The following AHCYL2 variants were observed in gnomAD, a reference collection of about 807,000 sequenced individuals.
The protein encoded by AHCYL2 is S-adenosylhomocysteine hydrolase-like protein 2.
AHCYL2 carries 28 observed loss-of-function variants against 81.4 expected under a neutral mutation model. That is an observed-to-expected ratio of 0.34 (90% CI 0.25 to 0.47). The LOEUF is 0.47. Among genes scored for constraint, AHCYL2 ranks in the 20% least tolerant of loss-of-function variants. The pLI is 1.00. For synonymous variants in AHCYL2, 272 were observed against 290.2 expected (o/e 0.94, Z 0.64); for missense variants, 551 against 785.1 (o/e 0.70, Z 3.56).
At chr7:129,375,101 T>G (rs1292808190) in intron 1 of AHCYL2, among the ~76,000 whole-genome samples, 1 of 152,156 alleles carries the variant, frequency 6.6e-6, no homozygotes, top group Non-Finnish European at 1.5e-5. Context: ...TGAACACACA[T>G]TTTGTGAAAA....
chr7:129,266,798 A>G (rs1377268473), intron 1 of AHCYL2, among the ~76,000 whole-genome samples: 2 of 152,220 alleles, frequency 1.3e-5, no homozygotes, highest in African/African-American at 4.8e-5. Context: ...TCTATCACTT[A>G]TTCAAATTAG....
chr7:129,350,158 G>T (rs1793505838), intron 1 of AHCYL2, among the ~76,000 whole-genome samples: 1 of 152,052 alleles, frequency 6.6e-6, no homozygotes, highest in Admixed American at 6.6e-5. Flanking sequence ...TGAAGATAAG[G>T]GCATTTCAGA....
At chr7:129,338,220 C>T (rs1793026450) in intron 1 of AHCYL2, among the ~76,000 whole-genome samples, 1 of 151,732 alleles carries the variant, frequency 6.6e-6, no homozygotes, top group Non-Finnish European at 1.5e-5. Context: ...TGGAGTTCAG[C>T]TTACTATAAC....
intron 1 of AHCYL2, among the ~76,000 whole-genome samples, chr7:129,284,925 T>C (rs1796575984): frequency 1.3e-5 from 2 of 152,252 alleles, no homozygotes; most frequent in South Asian, 2.1e-4. Flanking sequence ...TATAGAATTA[T>C]AGCCCTAGGA....
chr7:129,238,405 A>G (rs1489237675), intron 1 of AHCYL2, among the ~76,000 whole-genome samples: 3 of 152,214 alleles, frequency 2.0e-5, no homozygotes, highest in Admixed American at 2.0e-4. Flanking sequence ...TATTTGCCTA[A>G]TAATCTCCCT....
At chr7:129,375,292 A>G (rs1794625743) in intron 1 of AHCYL2, among the ~76,000 whole-genome samples, 1 of 152,044 alleles carries the variant, frequency 6.6e-6, no homozygotes, top group South Asian at 2.1e-4. Flanking sequence ...AAGGACACAG[A>G]GTGTAGGGTA....
chr7:129,347,649 T>A (rs1283914297), intron 1 of AHCYL2, among the ~76,000 whole-genome samples: 1 of 152,168 alleles, frequency 6.6e-6, no homozygotes, highest in Non-Finnish European at 1.5e-5. Context: ...TTTTTGGTTT[T>A]TTTCTTTACA....
chr7:129,297,323 AG>A (rs946870618), intron 1 of AHCYL2, among the ~76,000 whole-genome samples: 2 of 152,290 alleles, frequency 1.3e-5, no homozygotes, highest in Non-Finnish European at 2.9e-5. Flanking sequence ...ACTTCATCTT[AG>A]GACCGGGCTG....
At position 129,373,461 on chromosome 7, in the gene AHCYL2, G is replaced by A. The variant is rs184424380; in HGVS notation, c.364-6177G>A. On this transcript the variant is annotated intron_variant, in intron 1 of 16. Transcript: ENST00000325006. ...AAAAAAGCAAAAAAACTAGCCAGGCGTGGTGGCATGCGCCTGTAGTCCCAG... is the reference window on the plus strand; with the variant it reads ...AAAAAAGCAAAAAAACTAGCCAGGCATGGTGGCATGCGCCTGTAGTCCCAG... 8.5e-3 allele frequency among the ~76,000 whole-genome samples: 1,291 copies of A among 152,026 alleles called. 13 individuals carry two copies. The highest frequency in any genetic ancestry group is 0.011 in the Non-Finnish European group (744 of 67,964).
chr7:129,260,294 T>C (rs1308289772), intron 1 of AHCYL2, among the ~76,000 whole-genome samples: 1 of 152,198 alleles, frequency 6.6e-6, no homozygotes, highest in Non-Finnish European at 1.5e-5. Context: ...TGGATTGATC[T>C]TGGACTTCAA....
intron 1 of AHCYL2, among the ~76,000 whole-genome samples, chr7:129,303,311 T>G (rs1254929326): frequency 2.0e-5 from 3 of 152,224 alleles, no homozygotes; most frequent in Non-Finnish European, 2.9e-5. Context: ...CTGAGAGATT[T>G]TTAACTTTGA....
At chr7:129,251,951 C>T (rs1482226113) in intron 1 of AHCYL2, among the ~76,000 whole-genome samples, 2 of 151,994 alleles carry the variant, frequency 1.3e-5, no homozygotes, top group African/African-American at 4.8e-5. Context: ...TGTTTTTAAT[C>T]TCTTCTGTTT....
chr7:129,322,684 T>TG (rs1171846463), intron 1 of AHCYL2, among the ~76,000 whole-genome samples: 3 of 152,170 alleles, frequency 2.0e-5, no homozygotes, highest in Non-Finnish European at 2.9e-5. Context: ...CTCTGCCTCC[T>TG]GGGCTCAAGC....
intron 1 of AHCYL2, among the ~76,000 whole-genome samples, chr7:129,262,529 G>A (rs1055001513): frequency 6.6e-6 from 1 of 152,190 alleles, no homozygotes; most frequent in African/African-American, 2.4e-5. Flanking sequence ...CGTGGTTGGT[G>A]GTCTCCTATT....
At chr7:129,318,570 T>C (rs750411324) in intron 1 of AHCYL2, among the ~76,000 whole-genome samples, 6 of 152,154 alleles carry the variant, frequency 3.9e-5, no homozygotes, top group African/African-American at 1.4e-4. Context: ...TAGTAAATGG[T>C]GTAGAGAAAT....
At chr7:129,389,267 T>A (rs751140597) in intron 3 of AHCYL2, 68 bp downstream of exon 3, 138 of 1,585,700 alleles carry the variant, frequency 8.7e-5, no homozygotes, top group Non-Finnish European at 1.1e-4. Context: ...AATCCCTTTT[T>A]ATGTCTGGGG....
intron 1 of AHCYL2, among the ~76,000 whole-genome samples, chr7:129,328,735 C>T (rs1360501233): frequency 6.6e-6 from 1 of 152,152 alleles, no homozygotes; most frequent in African/African-American, 2.4e-5. Context: ...AGCCACCCGT[C>T]TCGGCCTCCC....
chr7:129,407,744 C>T lies in AHCYL2; in HGVS notation c.1295+1278C>T, dbSNP rs186685100. Among the ~76,000 whole-genome samples the T allele has an allele frequency of 1.1e-3, 160 of 152,288 alleles. 1 individual carries two copies. The highest frequency in any genetic ancestry group is 3.3e-3 in the African/African-American group (137 of 41,538). On this transcript the variant is annotated intron_variant, in intron 10 of 16. Transcript: ENST00000325006. ...ATGAATATATAAATGAGATAAGGTC[C>T]TGCTTTTAGAAGCACACAGACAGAT...
intron 1 of AHCYL2, among the ~76,000 whole-genome samples, chr7:129,349,884 T>TA: frequency 2.0e-5 from 3 of 152,240 alleles, no homozygotes; most frequent in African/African-American, 7.2e-5. Context: ...TCTACACTAA[T>TA]AAAAAATGCC....
Sources: allele counts gnomAD v4.1 joint callset (sites outside exome capture counted in the v4.1 genomes callset), GRCh38; gene constraint gnomAD v4.1.1; transcripts MANE v1.5; gene names NCBI Gene and HGNC (gene_info 2026-07-23, HGNC 2026-07-21).